CLDN14: variants seen among roughly 807,000 people sequenced by gnomAD.
The protein encoded by CLDN14 is claudin-14.
Under a neutral mutation model 2.1 loss-of-function variants are expected in CLDN14, and 2 were observed. The observed-to-expected ratio is 0.96, with a 90% CI of 0.39 to 3.01. CLDN14 has a LOEUF of 3.01. Among genes scored for constraint, CLDN14 ranks in the 30% most tolerant of loss-of-function variants. CLDN14 has a pLI of 0.09. For synonymous variants in CLDN14, 136 were observed against 154.4 expected, an observed-to-expected ratio of 0.88 and a Z score of 0.88; for missense variants, 298 against 328.0, an observed-to-expected ratio of 0.91 and a Z score of 0.71.
At chr21:36,505,958 T>G (rs568966413) in intron 2 of CLDN14, among the ~76,000 whole-genome samples, 1 of 152,294 alleles carries the variant, frequency 6.6e-6, no homozygotes, top group South Asian at 2.1e-4. Context: ...GGATAGCCAT[T>G]TGGTAATATC....
chr21:36,461,464 G>A lies in CLDN14; in HGVS notation c.232C>T (p.Gln78Ter), dbSNP rs983012374. 1 of 1,613,392 alleles carries A rather than the reference G, an allele frequency of 6.2e-7. No individual in the cohort carries two copies. Among genetic ancestry groups the A allele is most frequent in the East Asian group, 2.2e-5 (1 of 44,872 alleles). Residue 78 changes from glutamine (Q) to a stop codon, truncating the protein, a stop_gained, in exon 2 of 2, where the codon CAG becomes TAG. Transcript: ENST00000399135. LOFTEE classifies it low-confidence loss of function (END_TRUNC). ...ATGACCATGAGGGCGCGGGCAGCCT[G>A]GAGGTCTTGGGGCAGCGCCAGCAGG... Reference protein sequence around the residue: ...RSLLALPQDLQAARALMVISC... With the variant: ...RSLLALPQDL
rs550484245 is a variant in CLDN14, at chr21:36,493,738, T to C, written c.-82+16625A>G. Among the ~76,000 whole-genome samples the C allele has an allele frequency of 5.3e-5, 8 of 152,040 alleles. No individual in the cohort carries two copies. The East Asian group carries it at 9.7e-4, about 18-fold the overall frequency. ...TTTTTCTGCCCCCTGCTTGGAATCA[T>C]TGGAGGAGGCCCCATTTCAGAATGG... is the stretch of plus-strand genomic sequence containing the variant. On this transcript the variant is annotated intron_variant, in intron 2 of 2. Coordinates refer to the CLDN14 transcript ENST00000342108.
chr21:36,489,109 G>A (rs1220881563), intron 2 of CLDN14, among the ~76,000 whole-genome samples: 1 of 58,292 alleles, frequency 1.7e-5, no homozygotes, highest in Non-Finnish European at 3.2e-5. Context: ...GTGAGAGTCT[G>A]TCTCAAAGAA....
rs1237677486 is a variant in CLDN14 at position 36,479,974 on chromosome 21, C to G, written c.-561G>C. On this transcript the variant is annotated 5_prime_UTR_variant, in exon 1 of 2. Transcript: ENST00000399135. ...CCATTGGCTGTTCACACTCACTTCC[C>G]TGTGTCCTGGAACTGCCTGATTGTT... 1.3e-5 allele frequency: 2 copies of G among 152,342 alleles called. No homozygotes were observed. Among genetic ancestry groups the G allele is most frequent in the Non-Finnish European group, 2.9e-5 (2 of 68,122 alleles). The allele number at this position is 152,342 out of a possible 1,614,324, so 9.4% of individuals were successfully genotyped here.
chr21:36,488,537 T>G (rs1434014765), intron 2 of CLDN14, among the ~76,000 whole-genome samples: 1 of 151,334 alleles, frequency 6.6e-6, no homozygotes, highest in Non-Finnish European at 1.5e-5. Context: ...CCCAAAGTGC[T>G]GGGATTACAG....
intron 1 of CLDN14, among the ~76,000 whole-genome samples, chr21:36,478,412 G>A (rs549909451): frequency 4.6e-5 from 7 of 152,212 alleles, no homozygotes; most frequent in Non-Finnish European, 1.0e-4. Context: ...CATAGGAATA[G>A]CTCCTCTGCA....
chr21:36,467,072 G>T (rs1343267084), intron 1 of CLDN14, among the ~76,000 whole-genome samples: 1 of 152,206 alleles, frequency 6.6e-6, no homozygotes, highest in African/African-American at 2.4e-5. Context: ...ATTGTGAAAT[G>T]CTAGAGCTGC....
intron 1 of CLDN14, among the ~76,000 whole-genome samples, chr21:36,548,184 C>T (rs929926553): frequency 3.3e-5 from 5 of 151,984 alleles, no homozygotes; most frequent in Admixed American, 6.5e-5. Context: ...GCCCCCCTTC[C>T]TCCACTCCCC....
rs575737922 is a variant in CLDN14 at position 36,486,053 on chromosome 21, G to A, written c.-81-24277C>T. On this transcript the variant is annotated intron_variant, in intron 2 of 2. Coordinates refer to the CLDN14 transcript ENST00000342108. ...GGCCTGGCAGGCCAGGGAGCCCACA[G>A]CGTTTCAAATGGCTTCATTGTTGGG... The A allele has an allele frequency of 1.5e-4, 211 of 1,422,966 alleles. 4 individuals are homozygous for A. The South Asian group carries it at 2.4e-3, about 16-fold the overall frequency. The allele number at this position is 1,422,966 out of a possible 1,614,324, so 88.1% of individuals were successfully genotyped here. A position where few individuals can be genotyped will look rare whatever the true frequency, so the allele number is the denominator to read the frequency against.
chr21:36,562,691 T>C (rs1002594968), intron 1 of CLDN14, among the ~76,000 whole-genome samples: 3 of 84,822 alleles, frequency 3.5e-5, no homozygotes, highest in Admixed American at 1.2e-4. Context: ...CCCTATCCAT[T>C]CTGTGCTTTT....
chr21:36,468,767 C>CTTTT (rs1002172215), intron 1 of CLDN14, among the ~76,000 whole-genome samples: 1 of 139,202 alleles, frequency 7.2e-6, no homozygotes, highest in Non-Finnish European at 1.6e-5. Context: ...TTCTTTCTTT[C>CTTTT]TTTTTTTTTT....
chr21:36,531,049 G>A (rs1233438619), intron 1 of CLDN14, among the ~76,000 whole-genome samples: 1 of 151,946 alleles, frequency 6.6e-6, no homozygotes, highest in Non-Finnish European at 1.5e-5. Context: ...TGGCCAACAT[G>A]GTGAAACCCT....
At chr21:36,532,463 G>GA (rs2087389077) in intron 1 of CLDN14, 1 of 151,990 alleles carries the variant, frequency 6.6e-6, no homozygotes, top group African/African-American at 2.4e-5. Context: ...GGGGGAGTGG[G>GA]GAGGGATAGC....
chr21:36,476,455 A>ATTT (rs11457181), intron 1 of CLDN14, among the ~76,000 whole-genome samples: 1 of 142,458 alleles, frequency 7.0e-6, no homozygotes, highest in Non-Finnish European at 1.5e-5. Flanking sequence ...ATGGATGACT[A>ATTT]TTTTTTTTTT....
chr21:36,567,477 G>C (rs445103), intron 1 of CLDN14, among the ~76,000 whole-genome samples: 114,349 of 152,146 alleles, frequency 0.75, 44,394 homozygotes, highest in Non-Finnish European at 0.87. Context: ...TATTCTGAAG[G>C]CTTTAACTCA....
At chr21:36,531,038 C>A (rs1051521470) in intron 1 of CLDN14, among the ~76,000 whole-genome samples, 1 of 152,076 alleles carries the variant, frequency 6.6e-6, no homozygotes, top group African/African-American at 2.4e-5. Flanking sequence ...CGAGATCAGC[C>A]TGGCCAACAT....
chr21:36,538,305 G>A (rs909004021), intron 1 of CLDN14, among the ~76,000 whole-genome samples: 1 of 152,098 alleles, frequency 6.6e-6, no homozygotes, highest in African/African-American at 2.4e-5. Context: ...CAAGAAAAAG[G>A]AAAACAATCA....
In CLDN14 at chr21:36,461,735, G is replaced by A. The variant is rs1449818204; in HGVS notation, c.-40C>T. ...CCTAGGCCAGCCGGGCAGCTCCCTG[G>A]GCCCTCGGGGTCACGCCGCTCCTCA... is the stretch of plus-strand genomic sequence containing the variant. On this transcript the variant is annotated 5_prime_UTR_variant, in exon 2 of 2. Transcript: ENST00000399135. 1.3e-6 allele frequency: 2 copies of A among 1,542,050 alleles called. No homozygotes were observed. Among genetic ancestry groups the A allele is most frequent in the East Asian group, 2.4e-5 (1 of 40,842 alleles).
At chr21:36,542,211 C>T (rs1020745274) in intron 1 of CLDN14, among the ~76,000 whole-genome samples, 2 of 152,200 alleles carry the variant, frequency 1.3e-5, no homozygotes, top group Admixed American at 6.5e-5. Context: ...GATCCGCCCG[C>T]CTCGACCTCC....
Sources: allele counts gnomAD v4.1 joint callset (sites outside exome capture counted in the v4.1 genomes callset), GRCh38; gene constraint gnomAD v4.1.1; transcripts MANE v1.5; gene names NCBI Gene and HGNC (gene_info 2026-07-23, HGNC 2026-07-21).